Variants in KIAA1217 observed in about 807,000 individuals in gnomAD.
KIAA1217 encodes the protein KIAA1217.
A neutral mutation model predicts 163.9 loss-of-function variants in KIAA1217; 88 were observed. The ratio of observed to expected loss-of-function variants is 0.54; its 90% CI spans 0.45 to 0.64. The LOEUF (loss-of-function observed/expected upper bound fraction) is 0.64. Ranked by LOEUF, KIAA1217 falls within the 30% of genes least tolerant of loss-of-function variation. The pLI, the probability that KIAA1217 is intolerant of heterozygous loss-of-function variation, is 0.00. For missense variants in KIAA1217, 2,372 were observed against 2,475.0 expected, an observed-to-expected ratio of 0.96 and a Z score of 0.88; for synonymous variants, 903 against 923.1, an observed-to-expected ratio of 0.98 and a Z score of 0.39.
At chr10:23,992,359 T>A (rs998697733) in intron 1 of KIAA1217, among the ~76,000 whole-genome samples, 3 of 152,130 alleles carry the variant, frequency 2.0e-5, no homozygotes, top group Admixed American at 1.3e-4. Flanking sequence ...GATATCAGTG[T>A]TTCACGTGAT....
chr10:24,176,809 G>C (rs528157563), intron 2 of KIAA1217, among the ~76,000 whole-genome samples: 2 of 152,200 alleles, frequency 1.3e-5, no homozygotes, highest in Admixed American at 6.5e-5. Flanking sequence ...CAAGCCATGC[G>C]GTAGCCCACG....
intron 2 of KIAA1217, among the ~76,000 whole-genome samples, chr10:24,110,798 A>G (rs911440557): frequency 2.0e-5 from 3 of 152,240 alleles, no homozygotes; most frequent in Non-Finnish European, 2.9e-5. Flanking sequence ...TTGGATTTTA[A>G]GTTATATGGA....
In KIAA1217 at chr10:23,707,667, G is replaced by A. The variant is rs531272231; in HGVS notation, c.-321+12433G>A. On this transcript the variant is annotated intron_variant, in intron 1 of 18. Transcript: ENST00000376462. ...TGGGAGATGTGTCCACTGAAAGTCC[G>A]GACTTTACCACTACACAATATATCC... Among the ~76,000 whole-genome samples the A allele has an allele frequency of 1.8e-4, 28 of 152,084 alleles. No homozygotes were observed. The South Asian group carries it at 2.7e-3, about 15-fold the overall frequency.
chr10:23,931,205 T>C (rs1185096543), intron 1 of KIAA1217, among the ~76,000 whole-genome samples: 1 of 152,134 alleles, frequency 6.6e-6, no homozygotes, highest in African/African-American at 2.4e-5. Flanking sequence ...TGTTCTTGTA[T>C]AATTCCTACA....
At chr10:24,189,073 T>C in intron 2 of KIAA1217, among the ~76,000 whole-genome samples, 1 of 140,710 alleles carries the variant, frequency 7.1e-6, no homozygotes, top group African/African-American at 2.7e-5. Flanking sequence ...GCCACTGCAC[T>C]CCAGCCTGGG....
At chr10:24,306,815 G>A (rs1397632857) in intron 2 of KIAA1217, among the ~76,000 whole-genome samples, 1 of 152,224 alleles carries the variant, frequency 6.6e-6, no homozygotes, top group Non-Finnish European at 1.5e-5. Flanking sequence ...GGAATGTGAT[G>A]TTTCTGTTCT....
intron 2 of KIAA1217, among the ~76,000 whole-genome samples, chr10:24,223,051 T>C (rs2130910313): frequency 6.6e-6 from 1 of 152,310 alleles, no homozygotes; most frequent in South Asian, 2.1e-4. Context: ...GTCACTCTTG[T>C]GGCCATGTTG....
At chr10:24,198,737 A>G (rs2067109236) in intron 2 of KIAA1217, among the ~76,000 whole-genome samples, 1 of 152,162 alleles carries the variant, frequency 6.6e-6, no homozygotes, top group Non-Finnish European at 1.5e-5. Context: ...AAAGTGCGAC[A>G]AATGTTCAAA....
intron 2 of KIAA1217, among the ~76,000 whole-genome samples, chr10:24,150,656 T>C (rs2064566443): frequency 6.6e-6 from 1 of 152,114 alleles, no homozygotes; most frequent in African/African-American, 2.4e-5. Context: ...TTATAGATAA[T>C]CAACTGGATA....
intron 1 of KIAA1217, among the ~76,000 whole-genome samples, chr10:23,844,156 G>C (rs184402134): frequency 4.5e-4 from 69 of 152,218 alleles, no homozygotes; most frequent in African/African-American, 1.6e-3. Flanking sequence ...GGAACCCAGT[G>C]TTACAATTTC....
intron 2 of KIAA1217, among the ~76,000 whole-genome samples, chr10:24,298,028 G>A (rs923134347): frequency 6.6e-6 from 1 of 151,992 alleles, no homozygotes; most frequent in African/African-American, 2.4e-5. Context: ...GTGAAAAAGT[G>A]TTTTTATTAA....
intron 1 of KIAA1217, among the ~76,000 whole-genome samples, chr10:23,911,804 A>G (rs1842441531): frequency 1.3e-5 from 2 of 152,060 alleles, no homozygotes; most frequent in Non-Finnish European, 2.9e-5. Flanking sequence ...TTCTGTATGG[A>G]GCGGTGCTTT....
intron 5 of KIAA1217, among the ~76,000 whole-genome samples, chr10:24,445,897 G>C (rs1169477588): frequency 6.6e-6 from 1 of 152,160 alleles, no homozygotes; most frequent in East Asian, 1.9e-4. Context: ...TATATACCCA[G>C]TAATGGGATG....
At chr10:24,486,062 T>G (rs1245396793) in intron 6 of KIAA1217, among the ~76,000 whole-genome samples, 1 of 152,212 alleles carries the variant, frequency 6.6e-6, no homozygotes, top group Non-Finnish European at 1.5e-5. Context: ...AGATCTGTAC[T>G]CAGAGGTTTC....
intron 2 of KIAA1217, among the ~76,000 whole-genome samples, chr10:24,258,115 A>C (rs2075352638): frequency 4.6e-5 from 7 of 152,126 alleles, no homozygotes; most frequent in Admixed American, 4.6e-4. Flanking sequence ...CAAGAGGTCA[A>C]GGCTGCCGTG....
intron 5 of KIAA1217, among the ~76,000 whole-genome samples, chr10:24,457,648 G>A (rs116796701): frequency 0.011 from 1,717 of 152,136 alleles, 37 homozygotes; most frequent in African/African-American, 0.039. Flanking sequence ...CCATCCTCCC[G>A]CCTTGGCCTC....
intron 2 of KIAA1217, among the ~76,000 whole-genome samples, chr10:24,315,120 G>A (rs2133141468): frequency 6.6e-6 from 1 of 152,252 alleles, no homozygotes; most frequent in South Asian, 2.1e-4. Context: ...AGGAGGCATG[G>A]AAAAGGTGTG....
chr10:24,348,249 A>C (rs2048034301), intron 2 of KIAA1217, among the ~76,000 whole-genome samples: 2 of 152,236 alleles, frequency 1.3e-5, no homozygotes, highest in South Asian at 2.1e-4. Flanking sequence ...GCTGAGGCAG[A>C]ATCGCTTGAA....
Position 24,533,064 on chromosome 10 carries a change from C to T in KIAA1217, c.3247-6C>T, listed in dbSNP as rs746461604. The T allele has an allele frequency of 6.9e-6, 11 of 1,603,286 alleles. No individual in the cohort carries two copies. Among genetic ancestry groups the T allele is most frequent in the Middle Eastern group, 1.7e-4 (1 of 5,810 alleles). ...AACCACTATCTGTTGTTTCAATCTC[C>T]CACAGGCAAGCAGTGAAGATGCTGG... On this transcript the variant is annotated splice_polypyrimidine_tract_variant and splice_region_variant and intron_variant, in intron 15 of 20. Coordinates refer to ENST00000376454, the MANE Select transcript of KIAA1217 (RefSeq NM_019590.5).
Sources: gnomAD v4.1 joint callset for allele counts (sites outside exome capture counted in the v4.1 genomes callset) on GRCh38, gnomAD v4.1.1 for gene constraint, MANE v1.5 for transcripts, NCBI Gene and HGNC (gene_info 2026-07-23, HGNC 2026-07-21) for gene names.